The following CRACD variants were observed in gnomAD, a reference collection of about 807,000 sequenced individuals.
CRACD encodes the protein capping protein-inhibiting regulator of actin dynamics.
A neutral mutation model predicts 106.8 loss-of-function variants in CRACD; 56 were observed. That is an observed-to-expected ratio of 0.52 (90% CI 0.42 to 0.66). The LOEUF is 0.66. CRACD is among the 30% of genes least tolerant of loss of function. The probability of loss-of-function intolerance (pLI) is 0.00; values close to 1 mark genes in which losing one functional copy is unlikely to be tolerated. For synonymous variants in CRACD, 754 were observed against 670.8 expected, an observed-to-expected ratio of 1.12 and a Z score of -1.92; for missense variants, 1,730 against 1,623.2, an observed-to-expected ratio of 1.07 and a Z score of -1.13.
In CRACD at chr4:56,314,332, A is replaced by G. The variant is rs1366812585; in HGVS notation, c.830A>G (p.Gln277Arg). 1 of 1,550,796 alleles carries G rather than the reference A, an allele frequency of 6.4e-7. No individual in the cohort carries two copies. Among genetic ancestry groups the G allele is most frequent in the South Asian group, 1.2e-5 (1 of 84,088 alleles). Residue 277 changes from glutamine to arginine, a missense_variant, in exon 8 of 11, where the codon CAG becomes CGG. Transcript: ENST00000682029. This position sits in a 1 kb window ranked among gnomAD's most constrained non-coding sequence, Gnocchi z 4.4. ...QELLEEEGEG[Q>R]EPPLEAERAP... The stretch of plus-strand genomic sequence containing the variant: ...CTCTTGGAGGAGGAGGGCGAGGGGC[A>G]GGAGCCGCCTCTAGAGGCGGAAAGG...
intron 1 of CRACD, among the ~76,000 whole-genome samples, chr4:56,158,775 C>T (rs1735845501): frequency 6.6e-6 from 1 of 152,184 alleles, no homozygotes; most frequent in Admixed American, 6.5e-5. Flanking sequence ...AGGATCCTGG[C>T]TGAATTCTGA....
intron 1 of CRACD, among the ~76,000 whole-genome samples, chr4:56,093,610 T>C (rs1316536804): frequency 3.3e-5 from 5 of 152,222 alleles, no homozygotes; most frequent in African/African-American, 1.2e-4. Context: ...GTCCTGCCAC[T>C]GAAAGTCCTG....
At chr4:56,089,959 G>C (rs1384093652) in intron 1 of CRACD, among the ~76,000 whole-genome samples, 3 of 152,004 alleles carry the variant, frequency 2.0e-5, no homozygotes, top group African/African-American at 7.3e-5. Flanking sequence ...GTATTACATT[G>C]ACTGTATAGT....
rs542633163 is a variant in CRACD at position 56,292,696 on chromosome 4, T to C, written c.-16-5518T>C. Among the ~76,000 whole-genome samples, 26 of 152,210 alleles carry C rather than the reference T, an allele frequency of 1.7e-4. No individual in the cohort carries two copies. The South Asian group carries it at 5.2e-3, about 30-fold the overall frequency. On this transcript the variant is annotated intron_variant, in intron 3 of 10. Coordinates refer to ENST00000682029, the MANE Select transcript of CRACD (RefSeq NM_001393381.1). The stretch of plus-strand genomic sequence containing the variant: ...CCTGCCACCACGCCCAGCTAATTTT[T>C]TGTATTTTTAGTAGAGACAGGGTTT...
At chr4:56,089,754 C>T (rs1218523658) in intron 1 of CRACD, among the ~76,000 whole-genome samples, 1 of 152,020 alleles carries the variant, frequency 6.6e-6, no homozygotes, top group African/African-American at 2.4e-5. Flanking sequence ...CTCAGGTGAC[C>T]CACCTGCCTT....
In CRACD at chr4:56,314,774, C is replaced by T. The variant is rs770945300; in HGVS notation, c.1272C>T (p.Asn424=). 2 of 1,595,662 alleles carry T rather than the reference C, an allele frequency of 1.3e-6. No homozygotes were observed. Among genetic ancestry groups the T allele is most frequent in the Non-Finnish European group, 8.5e-7 (1 of 1,172,538 alleles). The part of the protein sequence containing the change: ...DWRGQLSELL[N]DFEERLEDQE... ...GGGGGCAGCTCAGTGAGCTTCTGAA[C>T]GACTTTGAGGAGAGGCTCGAAGACC... The change falls in exon 8 of 11, where the codon AAC becomes AAT. Residue 424 remains asparagine (N), a synonymous_variant. Coordinates refer to ENST00000682029, the MANE Select transcript of CRACD (RefSeq NM_001393381.1). This position sits in a 1 kb window ranked among gnomAD's most constrained non-coding sequence, Gnocchi z 4.4.
intron 2 of CRACD, among the ~76,000 whole-genome samples, chr4:56,231,714 C>A (rs374887433): frequency 1.3e-5 from 2 of 152,178 alleles, no homozygotes; most frequent in South Asian, 2.1e-4. Flanking sequence ...ACATAAAGTA[C>A]AGGAAAAACC....
At chr4:56,158,308 A>T (rs932870975) in intron 1 of CRACD, among the ~76,000 whole-genome samples, 5 of 152,212 alleles carry the variant, frequency 3.3e-5, no homozygotes, top group Non-Finnish European at 7.3e-5. Flanking sequence ...AGGCTGGTTT[A>T]TGTTCAGTTT....
chr4:56,080,595 C>T (rs575898384), intron 1 of CRACD, among the ~76,000 whole-genome samples: 50 of 152,246 alleles, frequency 3.3e-4, no homozygotes, highest in Middle Eastern at 6.8e-3. Flanking sequence ...CAGTTAGGCT[C>T]GGATTATAAA....
chr4:56,078,030 C>T (rs927298632), intron 1 of CRACD, among the ~76,000 whole-genome samples: 2 of 152,144 alleles, frequency 1.3e-5, no homozygotes, highest in South Asian at 4.1e-4. Context: ...TGAATATGTA[C>T]GTGATAAAAG....
At chr4:56,310,452 G>A (rs1381600560) in intron 5 of CRACD, among the ~76,000 whole-genome samples, 3 of 152,104 alleles carry the variant, frequency 2.0e-5, no homozygotes, top group South Asian at 2.1e-4. Flanking sequence ...CATTGAACTC[G>A]GGGAGAGGCT....
intron 1 of CRACD, among the ~76,000 whole-genome samples, chr4:56,091,366 T>C (rs1313520627): frequency 2.4e-5 from 1 of 42,246 alleles, no homozygotes; most frequent in East Asian, 6.8e-4. Context: ...GAGTAGTTCT[T>C]TTTTTTTTTT....
At chr4:56,213,005 C>G (rs1577745107) in intron 2 of CRACD, among the ~76,000 whole-genome samples, 2 of 152,146 alleles carry the variant, frequency 1.3e-5, no homozygotes, top group Non-Finnish European at 2.9e-5. Context: ...CTTACCGTGC[C>G]CCAGTTGCTG....
chr4:56,061,388 T>C (rs1476571356), intron 1 of CRACD, among the ~76,000 whole-genome samples: 3 of 152,120 alleles, frequency 2.0e-5, no homozygotes. Context: ...CCTAGGATGG[T>C]CTTGAACTCC....
chr4:56,130,065 G>C (rs1734777092), intron 1 of CRACD, among the ~76,000 whole-genome samples: 1 of 152,152 alleles, frequency 6.6e-6, no homozygotes, highest in Admixed American at 6.5e-5. Context: ...CTTGAGCTTA[G>C]TTTGCGACCA....
intron 3 of CRACD, among the ~76,000 whole-genome samples, chr4:56,272,771 TG>T (rs1742433299): frequency 6.6e-6 from 1 of 152,072 alleles, no homozygotes; most frequent in African/African-American, 2.4e-5. Context: ...GGTGTACACC[TG>T]TAATCCCAGG....
chr4:56,189,510 T>C lies in CRACD; in HGVS notation c.-189+10080T>C, dbSNP rs1318548531. ...TGTGCTGCACCCATTAACTCGTCAT[T>C]TAGCATTAGGTATATCTCCTAATGC... is the stretch of plus-strand genomic sequence containing the variant. On this transcript the variant is annotated intron_variant, in intron 2 of 10. Transcript: ENST00000682029. 4.9e-5 allele frequency among the ~76,000 whole-genome samples: 7 copies of C among 143,612 alleles called. No individual in the cohort carries two copies. The East Asian group carries it at 6.6e-4, about 14-fold the overall frequency. The allele number at this position is 143,612 out of a possible 152,430, so 94.2% of individuals were successfully genotyped here.
At chr4:56,168,702 T>C (rs1438440974) in intron 1 of CRACD, among the ~76,000 whole-genome samples, 1 of 149,030 alleles carries the variant, frequency 6.7e-6, no homozygotes, top group Non-Finnish European at 1.5e-5. Flanking sequence ...ACTACATATA[T>C]AATATAAATT....
chr4:56,224,232 C>T (rs1299826896), intron 2 of CRACD, among the ~76,000 whole-genome samples: 1 of 152,034 alleles, frequency 6.6e-6, no homozygotes, highest in Non-Finnish European at 1.5e-5. Context: ...TCTGAGGCCA[C>T]ACTATGCTTT....
Sources: gnomAD v4.1 joint callset for allele counts (sites outside exome capture counted in the v4.1 genomes callset) on GRCh38, gnomAD v4.1.1 for gene constraint, Gnocchi (gnomAD v3.1) non-coding constraint, MANE v1.5 for transcripts, NCBI Gene and HGNC (gene_info 2026-07-23, HGNC 2026-07-21) for gene names.